The following GTF2IRD1 variants were observed in gnomAD, a reference collection of about 807,000 sequenced individuals.
The protein encoded by GTF2IRD1 is GTF2I repeat domain containing 1.
A neutral mutation model predicts 113.2 loss-of-function variants in GTF2IRD1; 26 were observed. The ratio of observed to expected loss-of-function variants is 0.23; its 90% CI spans 0.17 to 0.32. The LOEUF (loss-of-function observed/expected upper bound fraction) is 0.32, where lower values mean the gene tolerates loss of function less well. Among genes scored for constraint, GTF2IRD1 ranks in the 10% least tolerant of loss-of-function variants. The probability of loss-of-function intolerance (pLI) is 1.00; values close to 1 mark genes in which losing one functional copy is unlikely to be tolerated. For missense variants in GTF2IRD1, 864 were observed against 1,280.8 expected, an observed-to-expected ratio of 0.67 and a Z score of 4.97; for synonymous variants, 484 against 529.1, an observed-to-expected ratio of 0.91 and a Z score of 1.17.
intron 1 of GTF2IRD1, among the ~76,000 whole-genome samples, chr7:74,502,474 C>G (rs1412540207): frequency 6.6e-6 from 1 of 152,214 alleles, no homozygotes; most frequent in Non-Finnish European, 1.5e-5. Flanking sequence ...TGGCCCTGAG[C>G]GCCAGGTGCA....
At chr7:74,464,003 T>G (rs1389973976) in intron 1 of GTF2IRD1, among the ~76,000 whole-genome samples, 1 of 151,748 alleles carries the variant, frequency 6.6e-6, no homozygotes, top group East Asian at 1.9e-4. Context: ...GAATTACAGG[T>G]GTGAGCCACC....
intron 1 of GTF2IRD1, among the ~76,000 whole-genome samples, chr7:74,473,425 G>A (rs980475860): frequency 2.0e-5 from 3 of 151,930 alleles, no homozygotes; most frequent in Admixed American, 6.6e-5. Flanking sequence ...TGGCAGCTCA[G>A]GGCTTTTTTT....
rs1554358186 is a variant in GTF2IRD1 at position 74,558,960 on chromosome 7, C to T, written c.2207C>T (p.Pro736Leu). 4.3e-6 allele frequency: 7 copies of T among 1,614,002 alleles called. No individual in the cohort carries two copies. Among genetic ancestry groups the T allele is most frequent in the African/African-American group, 4.0e-5 (3 of 74,924 alleles). ...ATCGAGGGGCTGCCCCCAGGAATCC[C>T]GTTCCGAAAGCCCTGTACCTTCGGC... ...VIIEGLPPGI[P>L]FRKPCTFGSQ... is the part of the protein sequence containing the mutation. The change falls in exon 21 of 27, where the codon CCG (proline) becomes CTG (leucine). Residue 736 changes from proline (P) to leucine (L), a missense_variant. Pro to Leu is a moderately conservative substitution (Grantham distance 98, BLOSUM62 -3). Around this residue, in one of 7 missense-constraint regions of GTF2IRD1, gnomAD observed 195 missense variants for 359.1 expected, o/e 0.54. Coordinates refer to ENST00000424337, the MANE Select transcript of GTF2IRD1 (RefSeq NM_005685.4).
rs1248021318 is a variant in GTF2IRD1, at chr7:74,541,443, T to C, written c.1618+1475T>C. On this transcript the variant is annotated intron_variant, in intron 14 of 26. Transcript: ENST00000424337. ...GAGCTTGAGACCAGCCTGGGCAACA[T>C]GGTGAAACCCTATCTCTACAAAAAA... 5.3e-5 allele frequency among the ~76,000 whole-genome samples: 8 copies of C among 151,848 alleles called. 1 individual carries two copies. The highest frequency in any genetic ancestry group is 4.1e-4 in the South Asian group (2 of 4,822).
chr7:74,571,340 A>G (rs587651845), intron 22 of GTF2IRD1, among the ~76,000 whole-genome samples: 22 of 152,350 alleles, frequency 1.4e-4, no homozygotes, highest in African/African-American at 4.8e-4. Context: ...GAGACTGGCC[A>G]GGATGGAGCG....
intron 22 of GTF2IRD1, among the ~76,000 whole-genome samples, chr7:74,566,593 C>T (rs782032674): frequency 3.3e-5 from 5 of 152,208 alleles, no homozygotes; most frequent in Non-Finnish European, 7.3e-5. Context: ...CCACCCGCCT[C>T]GGCTTCCCAA....
intron 20 of GTF2IRD1, among the ~76,000 whole-genome samples, chr7:74,558,360 T>TG (rs1799738726): frequency 8.5e-6 from 1 of 118,334 alleles, no homozygotes; most frequent in Non-Finnish European, 1.8e-5. Context: ...TTTTTTTTTT[T>TG]TTTTTTTTTT....
chr7:74,459,563 A>T (rs1554328528), intron 1 of GTF2IRD1, among the ~76,000 whole-genome samples: 1 of 151,636 alleles, frequency 6.6e-6, no homozygotes, highest in Non-Finnish European at 1.5e-5. Context: ...GGTGAACAGA[A>T]CTCTCTCGCC....
rs540789949 is a variant in GTF2IRD1, at chr7:74,458,080, A to G, written c.-7+3904A>G. 2.8e-3 allele frequency among the ~76,000 whole-genome samples: 421 copies of G among 152,044 alleles called. 2 individuals carry two copies. The highest frequency in any genetic ancestry group is 0.01 in the Middle Eastern group (3 of 294). ...GAGATGGGGTTTCATCATGTTGGCC[A>G]GTCTGGTCTAGAACTCCTGACCTCA... is the stretch of plus-strand genomic sequence containing the variant. On this transcript the variant is annotated intron_variant, in intron 1 of 26. Coordinates refer to ENST00000424337, the MANE Select transcript of GTF2IRD1 (RefSeq NM_005685.4).
intron 17 of GTF2IRD1, among the ~76,000 whole-genome samples, chr7:74,554,197 A>C (rs1166143452): frequency 2.0e-5 from 3 of 152,030 alleles, no homozygotes; most frequent in Non-Finnish European, 4.4e-5. Context: ...TCCATGGCCT[A>C]CCCTGCCATC....
chr7:74,496,485 A>ATG (rs201962320), intron 1 of GTF2IRD1, among the ~76,000 whole-genome samples: 2,875 of 92,782 alleles, frequency 0.031, 35 homozygotes, highest in East Asian at 0.11. Context: ...GTGTGCACGT[A>ATG]TGTGTGTGTG....
At chr7:74,535,034 G>C in intron 9 of GTF2IRD1, 79 bp from the exon 10 acceptor site, 1 of 1,167,788 alleles carries the variant, frequency 8.6e-7, no homozygotes, top group South Asian at 1.2e-5. Flanking sequence ...CACCAAAGGG[G>C]ACTGGAGGCA....
At chr7:74,602,341 C>T in intron 26 of GTF2IRD1, 24 bp from the exon 27 acceptor site, 2 of 1,610,010 alleles carry the variant, frequency 1.2e-6, no homozygotes, top group Non-Finnish European at 1.7e-6. Flanking sequence ...AGTCCTAATC[C>T]AGTCCCTTTG....
Position 74,462,813 on chromosome 7 carries a change from G to A in GTF2IRD1, c.-7+8637G>A, listed in dbSNP as rs189551359. Among the ~76,000 whole-genome samples the A allele has an allele frequency of 1.5e-3, 225 of 152,314 alleles. 1 individual carries two copies. The highest frequency in any genetic ancestry group is 5.2e-3 in the African/African-American group (215 of 41,574). Reference sequence around the variant, plus strand: ...TCTTCTGTTTCTGGTGACTCATACTGTGAGCCCCGCGATGAAATTACACCT... The same window carrying A: ...TCTTCTGTTTCTGGTGACTCATACTATGAGCCCCGCGATGAAATTACACCT... On this transcript the variant is annotated intron_variant, in intron 1 of 26. Transcript: ENST00000424337.
Position 74,537,207 on chromosome 7 carries a change from C to T in GTF2IRD1, c.1410-929C>T, listed in dbSNP as rs587613299. Among the ~76,000 whole-genome samples, 38 of 152,214 alleles carry T rather than the reference C, an allele frequency of 2.5e-4. No individual in the cohort carries two copies. In the East Asian group the frequency reaches 6.4e-3, roughly 26 times the overall value. ...GGCAGATCACCTGAGGTCAGGAGTT[C>T]GAAACCAACCTGGCCAACATGGCAA... On this transcript the variant is annotated intron_variant, in intron 11 of 26. Coordinates refer to ENST00000424337, the MANE Select transcript of GTF2IRD1 (RefSeq NM_005685.4).
At chr7:74,473,734 G>A (rs960301616) in intron 1 of GTF2IRD1, among the ~76,000 whole-genome samples, 24 of 151,970 alleles carry the variant, frequency 1.6e-4, no homozygotes, top group African/African-American at 5.8e-4. Flanking sequence ...TCCAGGAACT[G>A]TCCATAACCC....
intron 1 of GTF2IRD1, among the ~76,000 whole-genome samples, chr7:74,505,246 AG>A (rs1554340701): frequency 2.6e-5 from 4 of 152,174 alleles, no homozygotes; most frequent in African/African-American, 9.7e-5. Context: ...TCGGGCTTTC[AG>A]GACTCACCCG....
chr7:74,462,846 G>A lies in GTF2IRD1; in HGVS notation c.-7+8670G>A, dbSNP rs150807577. ...CGCGATGAAATTACACCTGCCTGCC[G>A]CTGCCCTCCGGGCCTCTGGCCCCAT... On this transcript the variant is annotated intron_variant, in intron 1 of 26. Coordinates refer to ENST00000424337, the MANE Select transcript of GTF2IRD1 (RefSeq NM_005685.4). Among the ~76,000 whole-genome samples, 118 of 152,354 alleles carry A rather than the reference G, an allele frequency of 7.7e-4. 2 individuals are homozygous for A. Among genetic ancestry groups the A allele is most frequent in the African/African-American group, 2.7e-3 (113 of 41,582 alleles).
At chr7:74,589,964 C>T in intron 23 of GTF2IRD1, 36 bp downstream of exon 23, 13 of 1,417,696 alleles carry the variant, frequency 9.2e-6, no homozygotes, top group Non-Finnish European at 1.2e-5. Context: ...ACACCAAGCC[C>T]TCCTCCCGGG....
Sources: gnomAD v4.1 joint callset for allele counts (sites outside exome capture counted in the v4.1 genomes callset) on GRCh38, gnomAD v4.1.1 for gene constraint, gnomAD v4.1.1 regional missense constraint, MANE v1.5 for transcripts, NCBI Gene and HGNC (gene_info 2026-07-23, HGNC 2026-07-21) for gene names.